SLC24A2: variants seen among roughly 807,000 people sequenced by gnomAD.
SLC24A2 encodes the protein solute carrier family 24 member 2.
In SLC24A2, 36 loss-of-function variants were observed where a neutral mutation model predicts 62.0. That is an observed-to-expected ratio of 0.58 (90% CI 0.44 to 0.77). SLC24A2 has a LOEUF of 0.77. Ranked by LOEUF, SLC24A2 falls within the 30% of genes least tolerant of loss-of-function variation. The pLI, the probability that SLC24A2 is intolerant of heterozygous loss-of-function variation, is 0.00. For synonymous variants in SLC24A2, 358 were observed against 294.0 expected (o/e 1.22, Z -2.23); for missense variants, 846 against 817.9 (o/e 1.03, Z -0.42).
the SLC24A2 span, among the ~76,000 whole-genome samples, chr9:20,129,208 G>A: frequency 6.6e-6 from 1 of 152,218 alleles, no homozygotes; most frequent in Non-Finnish European, 1.5e-5. Flanking sequence ...AGTATCATTA[G>A]TTATTAGGGA....
intron 4 of SLC24A2, among the ~76,000 whole-genome samples, chr9:19,597,945 A>G (rs959194578): frequency 6.6e-6 from 1 of 152,166 alleles, no homozygotes; most frequent in African/African-American, 2.4e-5. Context: ...GCTGCTATGT[A>G]AACAGCAGGA....
the SLC24A2 span, among the ~76,000 whole-genome samples, chr9:20,301,809 T>C: frequency 6.6e-6 from 1 of 152,154 alleles, no homozygotes; most frequent in Non-Finnish European, 1.5e-5. Context: ...ATTCTGTGGG[T>C]CAGAACAAAT....
chr9:19,848,547 G>A, the SLC24A2 span, among the ~76,000 whole-genome samples: 1 of 152,070 alleles, frequency 6.6e-6, no homozygotes, highest in Non-Finnish European at 1.5e-5. Flanking sequence ...AATGATATAT[G>A]GTATTGTATG....
At chr9:19,879,279 G>A in the SLC24A2 span, among the ~76,000 whole-genome samples, 1 of 152,148 alleles carries the variant, frequency 6.6e-6, no homozygotes. Flanking sequence ...CAGCAACCCC[G>A]AGAGGAGACT....
the SLC24A2 span, among the ~76,000 whole-genome samples, chr9:19,970,755 G>C: frequency 6.6e-6 from 1 of 152,020 alleles, no homozygotes; most frequent in Non-Finnish European, 1.5e-5. Context: ...TTTTCAGTTA[G>C]TAGGAGAAAA....
intron 2 of SLC24A2, among the ~76,000 whole-genome samples, chr9:19,664,833 T>C (rs1470778767): frequency 1.3e-5 from 2 of 152,112 alleles, no homozygotes; most frequent in African/African-American, 4.8e-5. Flanking sequence ...TCCCAGAAGC[T>C]AGGAAGAGGC....
the SLC24A2 span, among the ~76,000 whole-genome samples, chr9:20,048,800 C>A: frequency 6.6e-6 from 1 of 151,788 alleles, no homozygotes; most frequent in Non-Finnish European, 1.5e-5. Context: ...AGTAGCAAAA[C>A]CAAAGTTTAA....
the SLC24A2 span, among the ~76,000 whole-genome samples, chr9:20,299,854 T>A: frequency 1.3e-5 from 2 of 152,348 alleles, no homozygotes; most frequent in East Asian, 3.9e-4. Flanking sequence ...TCCAAGTGCA[T>A]TGCTCTTTTC....
At chr9:20,103,684 A>C in the SLC24A2 span, among the ~76,000 whole-genome samples, 39 of 152,330 alleles carry the variant, frequency 2.6e-4, no homozygotes, top group Admixed American at 1.6e-3. Context: ...ACATCCACAC[A>C]AAAAACCCAC....
the SLC24A2 span, chr9:19,926,119 T>A: frequency 6.6e-6 from 1 of 152,344 alleles, no homozygotes; most frequent in East Asian, 1.9e-4. Context: ...GACACCTCCC[T>A]GTGTCACGAT....
intron 2 of SLC24A2, among the ~76,000 whole-genome samples, chr9:19,699,366 C>T (rs1410627767): frequency 6.6e-6 from 1 of 152,188 alleles, no homozygotes; most frequent in African/African-American, 2.4e-5. Flanking sequence ...TTGCCCCTCT[C>T]ATCCACTGCT....
the SLC24A2 span, among the ~76,000 whole-genome samples, chr9:19,820,604 AC>A: frequency 6.6e-6 from 1 of 151,980 alleles, no homozygotes; most frequent in African/African-American, 2.4e-5. Context: ...TAATAGAAAA[AC>A]TTTAATTAAA....
chr9:19,882,199 A>G, the SLC24A2 span, among the ~76,000 whole-genome samples: 4 of 152,110 alleles, frequency 2.6e-5, no homozygotes, highest in African/African-American at 7.2e-5. Context: ...TTATACCAAT[A>G]CAAGATATGC....
At chr9:19,668,235 A>G (rs1348782415) in intron 2 of SLC24A2, among the ~76,000 whole-genome samples, 1 of 152,076 alleles carries the variant, frequency 6.6e-6, no homozygotes, top group African/African-American at 2.4e-5. Context: ...TTGCGATCCC[A>G]CCAGGCTCTT....
chr9:20,018,466 A>C, the SLC24A2 span, among the ~76,000 whole-genome samples: 1 of 152,060 alleles, frequency 6.6e-6, no homozygotes, highest in African/African-American at 2.4e-5. Flanking sequence ...ATTACAGGTG[A>C]TCTTTCTCCA....
rs1030482844 is a variant in SLC24A2, at chr9:19,510,995, G to A, written c.*5158C>T. ...AGCAAGGCTGGTGCCCCATGTGTGA[G>A]GAAGGCATGCAAAATGCCAGTGTGT... On this transcript the variant is annotated 3_prime_UTR_variant, in exon 11 of 11. Coordinates refer to ENST00000341998, the MANE Select transcript of SLC24A2 (RefSeq NM_020344.4). 1.3e-5 allele frequency: 2 copies of A among 152,214 alleles called. No individual in the cohort carries two copies. The allele number at this position is 152,214 out of a possible 1,614,324, so 9.4% of individuals were successfully genotyped here.
In SLC24A2 at chr9:19,787,063, C is replaced by T. The variant is rs113561730; in HGVS notation, c.-153-44G>A. 4,175 of 1,330,024 alleles carry T rather than the reference C, an allele frequency of 3.1e-3. 91 individuals carry two copies. The African/African-American group carries it at 0.046, about 15-fold the overall frequency. 82.4% of individuals were successfully genotyped at this position (1,330,024 alleles called of 1,614,324 possible). ...CGAGAATAAGTAAATCATAAAATCA[C>T]GTCTTTTTAATAAAGATCTTTGCAG... On this transcript the variant is annotated intron_variant, in intron 1 of 10. Coordinates refer to ENST00000341998, the MANE Select transcript of SLC24A2 (RefSeq NM_020344.4).
intron 2 of SLC24A2, among the ~76,000 whole-genome samples, chr9:19,736,989 T>A (rs185095504): frequency 6.6e-6 from 1 of 152,226 alleles, no homozygotes; most frequent in African/African-American, 2.4e-5. Context: ...CAGACAAATC[T>A]GCAAATATAG....
the SLC24A2 span, among the ~76,000 whole-genome samples, chr9:20,045,873 G>A: frequency 1.3e-5 from 2 of 152,196 alleles, no homozygotes; most frequent in Non-Finnish European, 2.9e-5. Flanking sequence ...GCGGTCAAGT[G>A]TCTTGCCCAA....
Sources: allele counts gnomAD v4.1 joint callset (sites outside exome capture counted in the v4.1 genomes callset), GRCh38; gene constraint gnomAD v4.1.1; transcripts MANE v1.5; gene names NCBI Gene and HGNC (gene_info 2026-07-23, HGNC 2026-07-21).